Variants in VOPP1 observed in about 807,000 individuals in gnomAD.
The protein encoded by VOPP1 is VOPP1 WW domain binding protein, also known as WW domain binding protein VOPP1.
VOPP1 carries 8 observed loss-of-function variants against 23.5 expected under a neutral mutation model. The observed-to-expected ratio is 0.34, with a 90% CI of 0.20 to 0.61. VOPP1 has a LOEUF of 0.61. Ranked by LOEUF, VOPP1 falls within the 20% of genes least tolerant of loss-of-function variation. The probability of loss-of-function intolerance (pLI) is 0.78; values close to 1 mark genes in which losing one functional copy is unlikely to be tolerated. For missense variants in VOPP1, 174 were observed against 238.1 expected (o/e 0.73, Z 1.77); for synonymous variants, 83 against 97.3 (o/e 0.85, Z 0.86).
chr7:55,536,611 A>AT (rs1363551866), intron 1 of VOPP1, among the ~76,000 whole-genome samples: 1 of 152,178 alleles, frequency 6.6e-6, no homozygotes, highest in African/African-American at 2.4e-5. Context: ...GACAAAGAGA[A>AT]CTTCATTGTG....
rs564859549 is a variant in VOPP1 at position 55,485,844 on chromosome 7, G to A, written c.328+6438C>T. Among the ~76,000 whole-genome samples the A allele has an allele frequency of 4.6e-4, 70 of 152,340 alleles. 1 individual carries two copies. In the South Asian group the frequency reaches 0.013, roughly 29 times the overall value. On this transcript the variant is annotated intron_variant, in intron 4 of 4. Coordinates refer to ENST00000285279, the MANE Select transcript of VOPP1 (RefSeq NM_030796.5). ...CCACATTTTCCCTCATCCGCCCCTC[G>A]GAAGGGCCGGACGCAGCCATTTCAA...
chr7:55,481,190 C>T (rs1446541633), intron 4 of VOPP1, among the ~76,000 whole-genome samples: 1 of 152,210 alleles, frequency 6.6e-6, no homozygotes, highest in Non-Finnish European at 1.5e-5. Context: ...TGGAGGGTCT[C>T]AGGACAAGTC....
At chr7:55,508,643 T>C (rs1794880989) in intron 2 of VOPP1, among the ~76,000 whole-genome samples, 1 of 152,212 alleles carries the variant, frequency 6.6e-6, no homozygotes, top group South Asian at 2.1e-4. Context: ...CTGCTGATCA[T>C]TTAAAATTAG....
intron 4 of VOPP1, 53 bp from the exon 5 acceptor site, chr7:55,473,098 G>C (rs712819): frequency 0.89 from 1,391,037 of 1,558,908 alleles, 621,939 homozygotes; most frequent in African/African-American, 0.93. Flanking sequence ...CCATCACACC[G>C]CAAGTATGTG....
intron 1 of VOPP1, among the ~76,000 whole-genome samples, chr7:55,560,606 C>G (rs927146955): frequency 6.6e-6 from 1 of 152,190 alleles, no homozygotes; most frequent in African/African-American, 2.4e-5. Flanking sequence ...ATTGAGCCCA[C>G]TGAGAGCCAT....
At chr7:55,514,521 T>C (rs1482593470) in intron 2 of VOPP1, among the ~76,000 whole-genome samples, 1 of 152,172 alleles carries the variant, frequency 6.6e-6, no homozygotes, top group Non-Finnish European at 1.5e-5. Flanking sequence ...CCACCATTTG[T>C]CTCCGTTACT....
chr7:55,452,720 T>C (rs373366189), intron 4 of VOPP1, among the ~76,000 whole-genome samples: 8 of 152,224 alleles, frequency 5.3e-5, no homozygotes, highest in East Asian at 1.9e-4. Context: ...TAAGCAATAA[T>C]ATTTTAAAAG....
downstream of VOPP1, among the ~76,000 whole-genome samples, chr7:55,435,171 G>A (rs552319166): frequency 7.9e-5 from 12 of 152,194 alleles, no homozygotes; most frequent in Non-Finnish European, 1.5e-4. Context: ...GTGGTCCTCA[G>A]GAGGCATTGA....
At chr7:55,551,360 C>G (rs1389567777) in intron 1 of VOPP1, among the ~76,000 whole-genome samples, 1 of 152,188 alleles carries the variant, frequency 6.6e-6, no homozygotes, top group Non-Finnish European at 1.5e-5. Flanking sequence ...ACGTGCACAC[C>G]GTACACCTGT....
At chr7:55,540,018 T>G (rs956739666) in intron 1 of VOPP1, among the ~76,000 whole-genome samples, 21 of 150,408 alleles carry the variant, frequency 1.4e-4, no homozygotes, top group African/African-American at 4.6e-4. Context: ...GGTTTAAAAT[T>G]TAGGGCTCAT....
chr7:55,572,181 G>A (rs900750474), intron 1 of VOPP1, 90 bp downstream of exon 1: 81 of 1,100,408 alleles, frequency 7.4e-5, no homozygotes, highest in Non-Finnish European at 9.6e-5. Context: ...TCCCAGGCAA[G>A]GTCCTCTGGG....
At chr7:55,549,026 G>A (rs141194866) in intron 1 of VOPP1, among the ~76,000 whole-genome samples, 63 of 152,282 alleles carry the variant, frequency 4.1e-4, no homozygotes, top group African/African-American at 1.4e-3. Flanking sequence ...ATGAGGCATG[G>A]AAGTTGGGAG....
At chr7:55,441,428 C>A (rs916687261) in intron 4 of VOPP1, among the ~76,000 whole-genome samples, 1 of 152,348 alleles carries the variant, frequency 6.6e-6, no homozygotes, top group Middle Eastern at 3.4e-3. Flanking sequence ...AGTGCCTGGG[C>A]AGGTGAGGGT....
At chr7:55,469,514 G>A (rs1388574630), downstream of VOPP1, among the ~76,000 whole-genome samples, 1 of 152,222 alleles carries the variant, frequency 6.6e-6, no homozygotes, top group African/African-American at 2.4e-5. Context: ...ACCACACACA[G>A]TGCCAAGTAG....
At chr7:55,502,485 C>T (rs952071597) in intron 2 of VOPP1, among the ~76,000 whole-genome samples, 2 of 152,228 alleles carry the variant, frequency 1.3e-5, no homozygotes, top group Non-Finnish European at 2.9e-5. Context: ...GGCGCTGGCC[C>T]GGCTCCCATT....
At chr7:55,477,761 C>T (rs767680438) in intron 4 of VOPP1, among the ~76,000 whole-genome samples, 4 of 152,124 alleles carry the variant, frequency 2.6e-5, no homozygotes, top group Admixed American at 6.5e-5. Flanking sequence ...TAAAAGAGAA[C>T]GGATAGAAAA....
At chr7:55,568,504 T>C (rs1798238782) in intron 1 of VOPP1, among the ~76,000 whole-genome samples, 1 of 152,200 alleles carries the variant, frequency 6.6e-6, no homozygotes, top group Non-Finnish European at 1.5e-5. Flanking sequence ...TAATGAGTAG[T>C]CCCTTAACTA....
intron 2 of VOPP1, among the ~76,000 whole-genome samples, chr7:55,511,533 C>T (rs967593024): frequency 6.6e-6 from 1 of 152,156 alleles, no homozygotes; most frequent in African/African-American, 2.4e-5. Flanking sequence ...CTTGAATCCC[C>T]AAATCACTAA....
intron 1 of VOPP1, among the ~76,000 whole-genome samples, chr7:55,564,243 G>GTCTCTCTCTCTCTCTC (rs71561947): frequency 0.31 from 39,124 of 125,642 alleles, 6,970 homozygotes; most frequent in East Asian, 0.47. Context: ...CTCTGTCTCT[G>GTCTCTCTCTCTCTCTC]TCTCTCTCTC....
Sources: allele counts gnomAD v4.1 joint callset (sites outside exome capture counted in the v4.1 genomes callset), GRCh38; gene constraint gnomAD v4.1.1; transcripts MANE v1.5; gene names NCBI Gene and HGNC (gene_info 2026-07-23, HGNC 2026-07-21).